The following RERE variants were observed in gnomAD, a reference collection of about 807,000 sequenced individuals.
The protein encoded by RERE is arginine-glutamic acid dipeptide repeats, also known as arginine-glutamic acid dipeptide repeats protein.
In RERE, 40 loss-of-function variants were observed where a neutral mutation model predicts 146.1. The ratio of observed to expected loss-of-function variants is 0.27; its 90% CI spans 0.21 to 0.36. The LOEUF is 0.36. Among genes scored for constraint, RERE ranks in the 10% least tolerant of loss-of-function variants. The pLI is 1.00. For missense variants in RERE, 1,933 were observed against 2,138.7 expected, an observed-to-expected ratio of 0.90 and a Z score of 1.90; for synonymous variants, 1,003 against 866.0, an observed-to-expected ratio of 1.16 and a Z score of -2.78.
chr1:8,371,970 C>T (rs1056724194), intron 12 of RERE, among the ~76,000 whole-genome samples: 2 of 152,186 alleles, frequency 1.3e-5, no homozygotes, highest in East Asian at 1.9e-4. Context: ...CTTACCTGTG[C>T]GCATTTGGTA....
intron 10 of RERE, among the ~76,000 whole-genome samples, chr1:8,481,026 C>T (rs1004814180): frequency 8.5e-5 from 13 of 152,190 alleles, no homozygotes; most frequent in Non-Finnish European, 1.6e-4. Context: ...TGCTGAGCAC[C>T]TAGGAAACAG....
At chr1:8,480,128 GTTTTT>G (rs112068785) in intron 10 of RERE, among the ~76,000 whole-genome samples, 3,859 of 135,218 alleles carry the variant, frequency 0.029, 169 homozygotes, top group African/African-American at 0.1. Flanking sequence ...GCCTTTTTTT[GTTTTT>G]TTTTTTTTTG....
chr1:8,809,806 G>C (rs971769113), intron 1 of RERE, among the ~76,000 whole-genome samples: 8 of 152,108 alleles, frequency 5.3e-5, no homozygotes, highest in African/African-American at 1.9e-4. Flanking sequence ...ATCTAATAAA[G>C]AGAACATAAT....
intron 4 of RERE, among the ~76,000 whole-genome samples, chr1:8,569,665 G>C (rs1338071428): frequency 1.3e-5 from 2 of 152,210 alleles, no homozygotes; most frequent in African/African-American, 4.8e-5. Flanking sequence ...GCAGAGGCAT[G>C]AAGACCGCTT....
At chr1:8,661,680 A>C (rs980889757) in intron 1 of RERE, among the ~76,000 whole-genome samples, 1 of 152,292 alleles carries the variant, frequency 6.6e-6, no homozygotes, top group Admixed American at 6.5e-5. Flanking sequence ...AGAGAGGGAA[A>C]AAAGAAAAAG....
intron 1 of RERE, among the ~76,000 whole-genome samples, chr1:8,813,086 A>C (rs1641843589): frequency 6.6e-6 from 1 of 152,192 alleles, no homozygotes; most frequent in African/African-American, 2.4e-5. Flanking sequence ...CAATCACACA[A>C]ATATGATTCA....
rs1009427942 is a variant in RERE, at chr1:8,438,145, C to T, written c.1204-15338G>A. Among the ~76,000 whole-genome samples, 9 of 152,210 alleles carry T rather than the reference C, an allele frequency of 5.9e-5. No homozygotes were observed. The South Asian group carries it at 8.3e-4, about 14-fold the overall frequency. ...ACAGGTATGTGTCAGTTACCATGCC[C>T]AGCTAATTTTAAAAATATTTTTTTG... is the stretch of plus-strand genomic sequence containing the variant. On this transcript the variant is annotated intron_variant, in intron 11 of 22. Coordinates refer to ENST00000400908, the MANE Select transcript of RERE (RefSeq NM_001042681.2).
chr1:8,491,761 A>T (rs1034605124), intron 10 of RERE, among the ~76,000 whole-genome samples: 1 of 152,246 alleles, frequency 6.6e-6, no homozygotes, highest in Non-Finnish European at 1.5e-5. Context: ...GTGGCCATAT[A>T]GCCTATTTCA....
chr1:8,563,415 G>A (rs956994722), intron 4 of RERE, among the ~76,000 whole-genome samples: 11 of 152,124 alleles, frequency 7.2e-5, no homozygotes, highest in African/African-American at 1.2e-4. Flanking sequence ...ATTCACCTAC[G>A]ATACAGAGGA....
At chr1:8,634,652 CGTT>C (rs1223301432) in intron 2 of RERE, among the ~76,000 whole-genome samples, 1 of 152,180 alleles carries the variant, frequency 6.6e-6, no homozygotes, top group Admixed American at 6.5e-5. Context: ...TCCCTTAAAT[CGTT>C]GTTGTTTTCA....
At chr1:8,703,516 C>T (rs1639502864) in intron 1 of RERE, among the ~76,000 whole-genome samples, 1 of 152,074 alleles carries the variant, frequency 6.6e-6, no homozygotes, top group African/African-American at 2.4e-5. Context: ...CCGCCGCGGG[C>T]GCGCGCACAC....
intron 12 of RERE, among the ~76,000 whole-genome samples, chr1:8,411,879 C>T (rs930145211): frequency 5.9e-5 from 9 of 152,142 alleles, no homozygotes; most frequent in Non-Finnish European, 1.0e-4. Flanking sequence ...ACAGATTCAT[C>T]GGGCCTATTT....
At chr1:8,569,158 G>GA (rs1423713289) in intron 4 of RERE, among the ~76,000 whole-genome samples, 2 of 142,624 alleles carry the variant, frequency 1.4e-5, no homozygotes, top group African/African-American at 5.2e-5. Context: ...CATAAAGGAA[G>GA]AAAAAAATAG....
intron 15 of RERE, chr1:8,363,842 C>T (rs1238143349): frequency 3.4e-6 from 2 of 588,632 alleles, no homozygotes; most frequent in South Asian, 2.0e-5. Context: ...CTACAAAACC[C>T]AGAGCAGGAT....
chr1:8,470,249 C>A (rs1444879314), intron 10 of RERE, among the ~76,000 whole-genome samples: 1 of 152,038 alleles, frequency 6.6e-6, no homozygotes, highest in Admixed American at 6.6e-5. Flanking sequence ...GGATTATTTA[C>A]CCAAAGTGAC....
At chr1:8,775,143 TAG>T (rs1157440494) in intron 1 of RERE, among the ~76,000 whole-genome samples, 6 of 151,862 alleles carry the variant, frequency 4.0e-5, no homozygotes, top group Admixed American at 3.3e-4. Flanking sequence ...GTATTTTTAG[TAG>T]AGACGGGGTT....
intron 7 of RERE, among the ~76,000 whole-genome samples, chr1:8,521,475 C>T (rs901016055): frequency 6.6e-6 from 1 of 151,888 alleles, no homozygotes; most frequent in African/African-American, 2.4e-5. Context: ...GACCTGCATG[C>T]CTATTTTTTT....
At chr1:8,763,590 G>A (rs1243171016) in intron 1 of RERE, among the ~76,000 whole-genome samples, 1 of 152,044 alleles carries the variant, frequency 6.6e-6, no homozygotes, top group East Asian at 1.9e-4. Flanking sequence ...AGGCAAGATC[G>A]AACCACTGCA....
intron 12 of RERE, among the ~76,000 whole-genome samples, chr1:8,404,550 C>T (rs944039235): frequency 6.6e-6 from 1 of 152,176 alleles, no homozygotes; most frequent in Non-Finnish European, 1.5e-5. Flanking sequence ...GTGAGCCTGG[C>T]CAAAATCTTA....
Sources: gnomAD v4.1 joint callset for allele counts (sites outside exome capture counted in the v4.1 genomes callset) on GRCh38, gnomAD v4.1.1 for gene constraint, MANE v1.5 for transcripts, NCBI Gene and HGNC (gene_info 2026-07-23, HGNC 2026-07-21) for gene names.